TNRC6B: variants seen among roughly 807,000 people sequenced by gnomAD.
TNRC6B encodes trinucleotide repeat-containing gene 6B protein.
In TNRC6B, 52 loss-of-function variants were observed where a neutral mutation model predicts 203.6. That is an observed-to-expected ratio of 0.26 (90% CI 0.20 to 0.32). The LOEUF (loss-of-function observed/expected upper bound fraction) is 0.32. Among genes scored for constraint, TNRC6B ranks in the 10% least tolerant of loss-of-function variants. TNRC6B has a pLI of 1.00. For missense variants in TNRC6B, 1,923 were observed against 2,286.2 expected (o/e 0.84, Z 3.24); for synonymous variants, 838 against 845.7 (o/e 0.99, Z 0.16).
chr22:40,281,908 C>G (rs545654948), intron 11 of TNRC6B, among the ~76,000 whole-genome samples: 7 of 152,328 alleles, frequency 4.6e-5, no homozygotes, highest in Admixed American at 2.6e-4. Flanking sequence ...AGAAACAAGA[C>G]AGGCAGGCCT....
rs911183640 is a variant in TNRC6B at position 40,331,734 on chromosome 22, A to G, written c.*8493A>G. On this transcript the variant is annotated 3_prime_UTR_variant, in exon 23 of 23. Coordinates refer to ENST00000454349, the MANE Select transcript of TNRC6B (RefSeq NM_001162501.2). The stretch of plus-strand genomic sequence containing the variant: ...TTATGTTGTAAGGTGAATTGTAACT[A>G]TGCATTCTGCAAAGGGGGTGGGGAG... 1.2e-5 allele frequency: 4 copies of G among 346,500 alleles called. No homozygotes were observed. Among genetic ancestry groups the G allele is most frequent in the Non-Finnish European group, 2.0e-5 (4 of 200,008 alleles). The allele number at this position is 346,500 out of a possible 1,614,324, so 21.5% of individuals were successfully genotyped here.
chr22:40,090,648 C>G (rs571559622), intron 1 of TNRC6B, among the ~76,000 whole-genome samples: 2 of 152,148 alleles, frequency 1.3e-5, no homozygotes, highest in Middle Eastern at 3.4e-3. Flanking sequence ...CTCATTCTCT[C>G]GATTAACTTA....
intron 15 of TNRC6B, chr22:40,301,578 C>CTTTTTTTTT (rs1393047828): frequency 2.1e-6 from 1 of 485,618 alleles, no homozygotes; most frequent in African/African-American, 2.0e-5. Flanking sequence ...AGCAGTCTTC[C>CTTTTTTTTT]TTTTTTTTGT....
intron 1 of TNRC6B, among the ~76,000 whole-genome samples, chr22:40,075,551 G>A (rs1485677253): frequency 6.6e-6 from 1 of 151,448 alleles, no homozygotes; most frequent in East Asian, 1.9e-4. Context: ...GTAGATAGTT[G>A]GATTTTTAAA....
rs2071379330 is a variant in TNRC6B at position 40,324,524 on chromosome 22, T to G, written c.*1283T>G. On this transcript the variant is annotated 3_prime_UTR_variant, in exon 23 of 23. Coordinates refer to ENST00000454349, the MANE Select transcript of TNRC6B (RefSeq NM_001162501.2). ...CTGTTGGTTGGTTCTCTTTTTCATT[T>G]TATGAAAACAGAAAAGAATAAGTGG... 1 of 152,654 alleles carries G rather than the reference T, an allele frequency of 6.6e-6. No homozygotes were observed. Among genetic ancestry groups the G allele is most frequent in the African/African-American group, 2.4e-5 (1 of 41,454 alleles). The allele number at this position is 152,654 out of a possible 1,614,324, so 9.5% of individuals were successfully genotyped here.
In TNRC6B at chr22:40,072,908, T is replaced by C. The variant is rs2067965167; in HGVS notation, c.-121+27910T>C. On this transcript the variant is annotated intron_variant, in intron 1 of 23. Coordinates refer to the TNRC6B transcript ENST00000301923. ...AAAAAAGCTGGCTTCACAGTGGAGG[T>C]ATAGAGCATTGGGACATAAGCTAGA... Among the ~76,000 whole-genome samples, 3 of 135,568 alleles carry C rather than the reference T, an allele frequency of 2.2e-5. No individual in the cohort carries two copies. The East Asian group carries it at 6.3e-4, about 29-fold the overall frequency. The allele number at this position is 135,568 out of a possible 152,430, so 88.9% of individuals were successfully genotyped here.
At chr22:40,064,680 G>A (rs1020314207) in intron 1 of TNRC6B, among the ~76,000 whole-genome samples, 5 of 149,916 alleles carry the variant, frequency 3.3e-5, no homozygotes, top group African/African-American at 1.2e-4. Flanking sequence ...GTAGTGGCAC[G>A]ATCTCGGCTC....
Position 40,265,781 on chromosome 22 carries a change from T to C in TNRC6B, c.1551T>C (p.Ser517=). Residue 517 remains serine, a synonymous_variant, in exon 5 of 23, where the codon TCT becomes TCC. Coordinates refer to ENST00000454349, the MANE Select transcript of TNRC6B (RefSeq NM_001162501.2). ...GAGAATGGAAACAGCCGACTGGGTCTGATGAGTTGAAAATTGGAGAATGGA... is the reference window on the plus strand; with the variant it reads ...GAGAATGGAAACAGCCGACTGGGTCCGATGAGTTGAAAATTGGAGAATGGA... ...SQGEWKQPTG[S]DELKIGEWSG... 6.2e-7 allele frequency: 1 copy of C among 1,613,964 alleles called. No homozygotes were observed. The highest frequency in any genetic ancestry group is 8.5e-7 in the Non-Finnish European group (1 of 1,179,892).
At chr22:40,123,205 T>A (rs1174459597) in intron 2 of TNRC6B, among the ~76,000 whole-genome samples, 2 of 152,060 alleles carry the variant, frequency 1.3e-5, no homozygotes, top group Non-Finnish European at 2.9e-5. Context: ...AAGTCTTGGT[T>A]AAAGCCTTGG....
At chr22:40,277,306 C>T (rs1008357919) in intron 8 of TNRC6B, among the ~76,000 whole-genome samples, 155 bp downstream of exon 8, 10 of 152,104 alleles carry the variant, frequency 6.6e-5, no homozygotes, top group African/African-American at 9.7e-5. Flanking sequence ...TAATATTTCT[C>T]TTCTATTCTT....
rs1159371932 is a variant in TNRC6B at position 40,288,962 on chromosome 22, C to T, written c.3708+3192C>T. Among the ~76,000 whole-genome samples, 8 of 149,582 alleles carry T rather than the reference C, an allele frequency of 5.3e-5. 1 individual carries two copies. In the South Asian group the frequency reaches 1.3e-3, roughly 24 times the overall value. Reference sequence around the variant, plus strand: ...CTGAGTAGCTAGGATTACAAGCATGCGCCACCACGCCTGGCTAATTTTTGT... The same window carrying T: ...CTGAGTAGCTAGGATTACAAGCATGTGCCACCACGCCTGGCTAATTTTTGT... On this transcript the variant is annotated intron_variant, in intron 12 of 22. Transcript: ENST00000454349.
rs757105010 is a variant in TNRC6B, at chr22:40,141,204, C to CTTT, written c.46-14890_46-14888dup. Among the ~76,000 whole-genome samples the CTTT allele has an allele frequency of 4.7e-3, 357 of 75,716 alleles. 5 individuals are homozygous for CTTT. The highest frequency in any genetic ancestry group is 0.014 in the Middle Eastern group (1 of 70). 49.7% of individuals were successfully genotyped at this position (75,716 alleles called of 152,430 possible). A position where few individuals can be genotyped will look rare whatever the true frequency, so the allele number is the denominator to read the frequency against. Reference sequence around the variant, plus strand: ...ATGGGTGGTGAACTCAAATTCTGTCCTTTTTTTTTTTTTTTTTTTTTTTGA... The same window carrying CTTT: ...ATGGGTGGTGAACTCAAATTCTGTCCTTTTTTTTTTTTTTTTTTTTTTTTTTGA... On this transcript the variant is annotated intron_variant, in intron 3 of 23. Coordinates refer to the TNRC6B transcript ENST00000301923.
intron 3 of TNRC6B, among the ~76,000 whole-genome samples, chr22:40,256,577 G>A (rs934329838): frequency 3.3e-5 from 5 of 152,160 alleles, no homozygotes; most frequent in South Asian, 2.1e-4. Flanking sequence ...TTCACTGTCC[G>A]TAAATAAAGT....
chr22:40,125,648 A>C (rs895578737), intron 2 of TNRC6B: 30 of 604,184 alleles, frequency 5.0e-5, no homozygotes, highest in Non-Finnish European at 7.7e-5. Context: ...CACACACACA[A>C]AGTTACTCAA....
At chr22:40,167,741 G>A (rs1319159652) in intron 4 of TNRC6B, among the ~76,000 whole-genome samples, 1 of 151,004 alleles carries the variant, frequency 6.6e-6, no homozygotes, top group African/African-American at 2.4e-5. Flanking sequence ...GCTGGCCATG[G>A]TGGCACATGC....
At position 40,281,209 on chromosome 22, in the gene TNRC6B, C is replaced by T; in HGVS notation, c.3502C>T (p.Pro1168Ser). Residue 1168 changes from proline (P) to serine (S), a missense_variant, in exon 11 of 23, where the codon CCC (proline) becomes TCC (serine). Pro to Ser is a moderately conservative substitution (Grantham distance 74). This residue lies in a region of TNRC6B where 599 missense variants were observed against 656.5 expected (regional missense o/e 0.91). Coordinates refer to ENST00000454349, the MANE Select transcript of TNRC6B (RefSeq NM_001162501.2). ...FSPSPSYKLS[P>S]SGSTLPNVSL... ...CCCTTCTCCCAGCTACAAGCTGTCT[C>T]CCTCTGGTTCCACACTACCCAACGT... The T allele has an allele frequency of 1.3e-6, 2 of 1,551,646 alleles. No individual in the cohort carries two copies. The highest frequency in any genetic ancestry group is 1.7e-6 in the Non-Finnish European group (2 of 1,146,952).
At chr22:40,079,737 G>C (rs751268886) in intron 1 of TNRC6B, among the ~76,000 whole-genome samples, 2 of 151,864 alleles carry the variant, frequency 1.3e-5, no homozygotes, top group Non-Finnish European at 1.5e-5. Context: ...TCCCACCTCA[G>C]CCTCCCAAGT....
Position 40,301,534 on chromosome 22 carries a change from A to G in TNRC6B, c.4120+201A>G. Reference sequence around the variant, plus strand: ...AGAGCTCACCACATGGTTACTAAATAGCAGAGCCAGGCCTCTAACTTCTCT... The same window carrying G: ...AGAGCTCACCACATGGTTACTAAATGGCAGAGCCAGGCCTCTAACTTCTCT... On this transcript the variant is annotated intron_variant, in intron 15 of 22. Transcript: ENST00000454349. 3.2e-5 allele frequency: 19 copies of G among 590,386 alleles called. No individual in the cohort carries two copies. The South Asian group carries it at 4.2e-4, about 13-fold the overall frequency. 36.6% of individuals were successfully genotyped at this position (590,386 alleles called of 1,614,324 possible).
chr22:40,095,040 A>G (rs982661434), intron 1 of TNRC6B, among the ~76,000 whole-genome samples: 2 of 152,178 alleles, frequency 1.3e-5, no homozygotes, highest in African/African-American at 2.4e-5. Flanking sequence ...TGAAGCTGCT[A>G]GCTAGAGTGT....
Sources: allele counts gnomAD v4.1 joint callset (sites outside exome capture counted in the v4.1 genomes callset), GRCh38; gene constraint gnomAD v4.1.1; regional missense constraint gnomAD v4.1.1; transcripts MANE v1.5; gene names NCBI Gene and HGNC (gene_info 2026-07-23, HGNC 2026-07-21).